Variants in TRPM3 observed in about 807,000 individuals in gnomAD.
The protein encoded by TRPM3 is transient receptor potential cation channel subfamily M member 3, also known as long transient receptor potential channel 3.
Under a neutral mutation model 181.2 loss-of-function variants are expected in TRPM3, and 77 were observed. The ratio of observed to expected loss-of-function variants is 0.42; its 90% CI spans 0.35 to 0.51. TRPM3 has a LOEUF of 0.51. TRPM3 is among the 20% of genes least tolerant of loss of function. TRPM3 has a pLI of 0.01. For synonymous variants in TRPM3, 745 were observed against 796.4 expected (o/e 0.94, Z 1.09); for missense variants, 1,759 against 2,196.7 (o/e 0.80, Z 3.98).
At chr9:70,581,887 C>T (rs1009209435) in intron 22 of TRPM3, among the ~76,000 whole-genome samples, 1 of 151,004 alleles carries the variant, frequency 6.6e-6, no homozygotes, top group African/African-American at 2.4e-5. Flanking sequence ...AGTCTCCCTC[C>T]CTCCCTTCCT....
At chr9:71,052,949 ATAC>A (rs1325676271) in intron 1 of TRPM3, among the ~76,000 whole-genome samples, 1 of 152,072 alleles carries the variant, frequency 6.6e-6, no homozygotes, top group African/African-American at 2.4e-5. Context: ...ATAAAATATT[ATAC>A]TACTATCAAG....
chr9:71,304,337 G>A (rs1281702264), intron 1 of TRPM3, among the ~76,000 whole-genome samples: 1 of 152,150 alleles, frequency 6.6e-6, no homozygotes, highest in East Asian at 1.9e-4. Flanking sequence ...AAAAGCTGCA[G>A]GAGCCTCTTG....
At chr9:70,701,750 T>C (rs111511731) in intron 8 of TRPM3, among the ~76,000 whole-genome samples, 1 of 152,280 alleles carries the variant, frequency 6.6e-6, no homozygotes, top group African/African-American at 2.4e-5. Context: ...AGGAGAACAG[T>C]TGCTAAGTGA....
At chr9:71,086,110 T>C (rs1221210595) in intron 1 of TRPM3, among the ~76,000 whole-genome samples, 1 of 151,850 alleles carries the variant, frequency 6.6e-6, no homozygotes, top group Non-Finnish European at 1.5e-5. Flanking sequence ...GAAAACCAAA[T>C]ACTGCATGTT....
At chr9:70,936,767 G>A (rs2096832307) in intron 1 of TRPM3, among the ~76,000 whole-genome samples, 1 of 152,168 alleles carries the variant, frequency 6.6e-6, no homozygotes, top group Non-Finnish European at 1.5e-5. Flanking sequence ...GAAGAGAGCT[G>A]TCCCTGTACG....
intron 3 of TRPM3, among the ~76,000 whole-genome samples, chr9:70,861,882 G>C (rs1235484922): frequency 5.8e-5 from 8 of 137,646 alleles, no homozygotes; most frequent in Non-Finnish European, 1.2e-4. Flanking sequence ...TAGAAAAGAA[G>C]TGTTAAAATA....
At chr9:71,441,311 AT>A (rs1449862737) in intron 1 of TRPM3, among the ~76,000 whole-genome samples, 1 of 151,554 alleles carries the variant, frequency 6.6e-6, no homozygotes, top group East Asian at 1.9e-4. Context: ...TCCCTTTTTT[AT>A]TTTTTTAACA....
At chr9:71,234,729 T>C (rs559216984) in intron 1 of TRPM3, among the ~76,000 whole-genome samples, 13 of 152,320 alleles carry the variant, frequency 8.5e-5, no homozygotes, top group African/African-American at 3.1e-4. Flanking sequence ...ACAGTCACAT[T>C]CTGAGGTAGT....
chr9:70,906,716 A>G (rs1183268999), intron 1 of TRPM3, among the ~76,000 whole-genome samples: 3 of 152,218 alleles, frequency 2.0e-5, no homozygotes, highest in Non-Finnish European at 4.4e-5. Context: ...CAGCCTGGCC[A>G]ACGTGGTGAA....
At chr9:71,245,260 T>C (rs1020936282) in intron 1 of TRPM3, among the ~76,000 whole-genome samples, 6 of 152,002 alleles carry the variant, frequency 3.9e-5, no homozygotes, top group Non-Finnish European at 5.9e-5. Context: ...ACCCCAAACA[T>C]GGCGAAACCC....
At chr9:70,598,344 A>G in intron 21 of TRPM3, 75 bp downstream of exon 21, 1 of 1,554,378 alleles carries the variant, frequency 6.4e-7, no homozygotes. Flanking sequence ...GGCCCAAATG[A>G]ATTATTTCCC....
chr9:71,137,229 A>G (rs1039750063), intron 1 of TRPM3, among the ~76,000 whole-genome samples: 2 of 152,212 alleles, frequency 1.3e-5, no homozygotes, highest in African/African-American at 4.8e-5. Flanking sequence ...CCGACAAAGA[A>G]AAAGGTACTT....
Position 71,431,506 on chromosome 9 carries a change from A to G in TRPM3, c.183+15147T>C, listed in dbSNP as rs143310708. Among the ~76,000 whole-genome samples, 245 of 152,316 alleles carry G rather than the reference A, an allele frequency of 1.6e-3. 1 individual carries two copies. The highest frequency in any genetic ancestry group is 2.4e-3 in the Non-Finnish European group (165 of 68,020). On this transcript the variant is annotated intron_variant, in intron 1 of 24. Coordinates refer to the TRPM3 transcript ENST00000357533. ...CTGCCTTGACTTAGTCTCAACATCC[A>G]TAGTGACCTTTAAGCCAACTTCAAG...
At chr9:70,784,417 T>C in intron 6 of TRPM3, 138 bp from the exon 7 acceptor site, 6 of 949,956 alleles carry the variant, frequency 6.3e-6, no homozygotes, top group South Asian at 1.9e-5. Context: ...TGAAGGGATA[T>C]GGTACTGAGC....
At position 71,316,588 on chromosome 9, in the gene TRPM3, C is replaced by T. The variant is rs138041533; in HGVS notation, c.183+130065G>A. Among the ~76,000 whole-genome samples the T allele has an allele frequency of 5.7e-3, 874 of 152,104 alleles. 9 individuals carry two copies. The highest frequency in any genetic ancestry group is 0.018 in the African/African-American group (767 of 41,500). On this transcript the variant is annotated intron_variant, in intron 1 of 24. Transcript: ENST00000357533. ...GAGGTCACCAAGAGACGTAACATTG[C>T]TGTCTTTGAAGATGGAAGGAGGAGG...
At chr9:70,547,404 G>A (rs2045276950) in intron 25 of TRPM3, among the ~76,000 whole-genome samples, 1 of 151,990 alleles carries the variant, frequency 6.6e-6, no homozygotes, top group Admixed American at 6.6e-5. Flanking sequence ...TCTAGAAGAT[G>A]TTTGAGATTG....
intron 1 of TRPM3, among the ~76,000 whole-genome samples, chr9:70,891,034 G>C (rs556567083): frequency 3.3e-5 from 5 of 152,106 alleles, no homozygotes; most frequent in African/African-American, 9.6e-5. Context: ...GGTGGGGAGA[G>C]GGGGGAGGGA....
intron 1 of TRPM3, among the ~76,000 whole-genome samples, chr9:71,436,585 G>C (rs770659754): frequency 3.9e-5 from 6 of 152,080 alleles, no homozygotes; most frequent in African/African-American, 1.4e-4. Flanking sequence ...TTACAGGCGT[G>C]AGCCACCACT....
rs192097244 is a variant in TRPM3, at chr9:71,188,838, T to C, written c.183+257815A>G. The stretch of plus-strand genomic sequence containing the variant: ...AAAGGAAGAAATAATATCTATCTCT[T>C]AAAATTGAAACAAGGATTAAATAAG... On this transcript the variant is annotated intron_variant, in intron 1 of 24. Transcript: ENST00000357533. Among the ~76,000 whole-genome samples, 8 of 152,060 alleles carry C rather than the reference T, an allele frequency of 5.3e-5. No homozygotes were observed. In the East Asian group the frequency reaches 1.5e-3, roughly 29 times the overall value.
Sources: allele counts gnomAD v4.1 joint callset (sites outside exome capture counted in the v4.1 genomes callset), GRCh38; gene constraint gnomAD v4.1.1; transcripts MANE v1.5; gene names NCBI Gene and HGNC (gene_info 2026-07-23, HGNC 2026-07-21).